Variants in SHISA6 observed in about 807,000 individuals in gnomAD.
SHISA6 encodes the protein shisa family member 6, also known as protein shisa-6.
A neutral mutation model predicts 47.9 loss-of-function variants in SHISA6; 22 were observed. That is an observed-to-expected ratio of 0.46 (90% CI 0.33 to 0.66). The LOEUF (loss-of-function observed/expected upper bound fraction) is 0.66, where lower values mean the gene tolerates loss of function less well. Among genes scored for constraint, SHISA6 ranks in the 30% least tolerant of loss-of-function variants. The probability of loss-of-function intolerance (pLI) is 0.02; values close to 1 mark genes in which losing one functional copy is unlikely to be tolerated. For missense variants in SHISA6, 680 were observed against 764.6 expected (o/e 0.89, Z 1.30); for synonymous variants, 388 against 337.8 (o/e 1.15, Z -1.63).
intron 3 of SHISA6, among the ~76,000 whole-genome samples, chr17:11,529,945 T>C (rs2071718250): frequency 6.6e-6 from 1 of 152,172 alleles, no homozygotes; most frequent in Non-Finnish European, 1.5e-5. Flanking sequence ...TTAATTTCAC[T>C]AGTTACTGAT....
chr17:11,464,987 A>G (rs1010898935), intron 3 of SHISA6, among the ~76,000 whole-genome samples: 1 of 152,110 alleles, frequency 6.6e-6, no homozygotes, highest in Non-Finnish European at 1.5e-5. Context: ...ATGCTATTCA[A>G]AAAGCTGCCA....
chr17:11,251,082 A>C (rs915158886), intron 1 of SHISA6, among the ~76,000 whole-genome samples: 2 of 152,118 alleles, frequency 1.3e-5, no homozygotes, highest in African/African-American at 4.8e-5. Flanking sequence ...CAGCTAGTAC[A>C]TTGCTGGTGC....
chr17:11,337,334 C>A (rs2142209839), intron 2 of SHISA6, among the ~76,000 whole-genome samples: 1 of 152,274 alleles, frequency 6.6e-6, no homozygotes, highest in Non-Finnish European at 1.5e-5. Flanking sequence ...TACCATGTAG[C>A]ATGTCCCACT....
rs1349287384 is a variant in SHISA6, at chr17:11,423,237, G to GTATA, written c.895+43729_895+43730insATAT. On this transcript the variant is annotated intron_variant, in intron 3 of 5. Coordinates refer to ENST00000441885, the MANE Select transcript of SHISA6 (RefSeq NM_207386.4). ...TGTATGTGTGTGTGTGTGTGTGTGTGTGTATATATATATATATAATATATA... is the reference window on the plus strand; with the variant it reads ...TGTATGTGTGTGTGTGTGTGTGTGTGTATATGTATATATATATATATAATATATA... Among the ~76,000 whole-genome samples, 403 of 128,466 alleles carry GTATA rather than the reference G, an allele frequency of 3.1e-3. 3 individuals are homozygous for GTATA. Among genetic ancestry groups the GTATA allele is most frequent in the African/African-American group, 0.012 (391 of 33,092 alleles). The allele number at this position is 128,466 out of a possible 152,430, so 84.3% of individuals were successfully genotyped here.
At chr17:11,347,520 T>G (rs1911740700) in intron 2 of SHISA6, among the ~76,000 whole-genome samples, 1 of 152,232 alleles carries the variant, frequency 6.6e-6, no homozygotes, top group South Asian at 2.1e-4. Context: ...ATTATCTTAT[T>G]AATACTTAAC....
At chr17:11,386,748 T>G (rs993988632) in intron 3 of SHISA6, among the ~76,000 whole-genome samples, 32 of 152,158 alleles carry the variant, frequency 2.1e-4, no homozygotes, top group African/African-American at 7.2e-4. Context: ...CCAGGCCACA[T>G]ATGACAGATA....
intron 2 of SHISA6, among the ~76,000 whole-genome samples, chr17:11,359,479 C>CGT (rs974017765): frequency 4.6e-5 from 7 of 152,196 alleles, no homozygotes; most frequent in Admixed American, 1.3e-4. Flanking sequence ...CCCTCTCTGG[C>CGT]CTCTCTCTCT....
chr17:11,323,375 C>G (rs1910772261), intron 2 of SHISA6, among the ~76,000 whole-genome samples: 1 of 152,204 alleles, frequency 6.6e-6, no homozygotes, highest in South Asian at 2.1e-4. Flanking sequence ...AACACATGAG[C>G]CGGGCACGGT....
chr17:11,504,744 CA>C lies in SHISA6; in HGVS notation c.896-47151del, dbSNP rs139358878. ...CACACTGATGGGAGAAGGGGAAGGA[CA>C]CACACTCCCTCAGATTCCTCATGGG... On this transcript the variant is annotated intron_variant, in intron 3 of 5. Coordinates refer to ENST00000441885, the MANE Select transcript of SHISA6 (RefSeq NM_207386.4). Among the ~76,000 whole-genome samples the C allele has an allele frequency of 7.5e-3, 1,146 of 151,936 alleles. 24 individuals are homozygous for C. Among genetic ancestry groups the C allele is most frequent in the African/African-American group, 0.026 (1,083 of 41,230 alleles).
chr17:11,379,206 G>A (rs192000539), intron 2 of SHISA6, among the ~76,000 whole-genome samples: 450 of 146,924 alleles, frequency 3.1e-3, no homozygotes, highest in East Asian at 8.5e-3. Context: ...ATGTGTATAT[G>A]TATATATATT....
chr17:11,438,852 C>G (rs138327026), intron 3 of SHISA6, among the ~76,000 whole-genome samples: 1 of 152,032 alleles, frequency 6.6e-6, no homozygotes, highest in African/African-American at 2.4e-5. Flanking sequence ...ACAGATGATG[C>G]GGTAGGAGTT....
chr17:11,425,554 C>A (rs1197318813), intron 3 of SHISA6, among the ~76,000 whole-genome samples: 1 of 152,060 alleles, frequency 6.6e-6, no homozygotes, highest in Admixed American at 6.6e-5. Context: ...TAAAGAATTC[C>A]TTTGGCTTCA....
At chr17:11,499,838 A>T (rs2071437436) in intron 3 of SHISA6, among the ~76,000 whole-genome samples, 1 of 151,996 alleles carries the variant, frequency 6.6e-6, no homozygotes, top group Non-Finnish European at 1.5e-5. Context: ...AGTGGCTAAG[A>T]TTACAGGTGT....
chr17:11,269,039 TG>T (rs1567555564), intron 2 of SHISA6, among the ~76,000 whole-genome samples: 8 of 146,490 alleles, frequency 5.5e-5, no homozygotes, highest in African/African-American at 1.9e-4. Context: ...TTTTTTTGTT[TG>T]TCTGTTTTGT....
At chr17:11,394,762 G>A (rs907648047) in intron 3 of SHISA6, among the ~76,000 whole-genome samples, 6 of 151,756 alleles carry the variant, frequency 4.0e-5, no homozygotes, top group African/African-American at 7.3e-5. Flanking sequence ...TATACCCTTC[G>A]AATTTTCCAA....
chr17:11,258,476 T>C (rs1433761204), intron 1 of SHISA6, among the ~76,000 whole-genome samples: 1 of 152,206 alleles, frequency 6.6e-6, no homozygotes, highest in African/African-American at 2.4e-5. Flanking sequence ...TGGGGGGAAC[T>C]AAGTTTGACC....
chr17:11,373,365 T>G (rs1236170481), intron 2 of SHISA6, among the ~76,000 whole-genome samples: 2 of 151,662 alleles, frequency 1.3e-5, no homozygotes, highest in African/African-American at 2.4e-5. Context: ...TGTCTATCCA[T>G]CTATCCATCC....
chr17:11,392,216 G>T (rs1913408953), intron 3 of SHISA6, among the ~76,000 whole-genome samples: 1 of 151,974 alleles, frequency 6.6e-6, no homozygotes, highest in South Asian at 2.1e-4. Flanking sequence ...AAATGTAATG[G>T]TTTTCTGGTT....
intron 3 of SHISA6, among the ~76,000 whole-genome samples, chr17:11,527,909 C>G (rs930093661): frequency 6.6e-6 from 1 of 152,132 alleles, no homozygotes; most frequent in Non-Finnish European, 1.5e-5. Context: ...CAAAATCTCC[C>G]TAATATCCCT....
Sources: gnomAD v4.1 joint callset for allele counts (sites outside exome capture counted in the v4.1 genomes callset) on GRCh38, gnomAD v4.1.1 for gene constraint, MANE v1.5 for transcripts, NCBI Gene and HGNC (gene_info 2026-07-23, HGNC 2026-07-21) for gene names.